Variants in LMF1 observed in about 807,000 individuals in gnomAD.
LMF1 encodes transmembrane protein 112.
Under a neutral mutation model 60.6 loss-of-function variants are expected in LMF1, and 68 were observed. The ratio of observed to expected loss-of-function variants is 1.12; its 90% CI spans 0.92 to 1.37. The LOEUF is 1.37. LMF1 is among the 40% of genes most tolerant of loss of function. The pLI, the probability that LMF1 is intolerant of heterozygous loss-of-function variation, is 0.00. For synonymous variants in LMF1, 418 were observed against 324.7 expected (o/e 1.29, Z -3.09); for missense variants, 948 against 767.2 (o/e 1.24, Z -2.78).
intron 2 of LMF1, among the ~76,000 whole-genome samples, chr16:950,754 A>T (rs1597059367): frequency 1.1e-5 from 1 of 90,410 alleles, no homozygotes; most frequent in Middle Eastern, 4.7e-3. Flanking sequence ...ACAGAGTCAG[A>T]GCCAACGACA....
intron 1 of LMF1, among the ~76,000 whole-genome samples, chr16:978,262 A>G (rs1452594812): frequency 6.7e-6 from 1 of 149,302 alleles, no homozygotes. Flanking sequence ...CACGCACCAT[A>G]CACACTATAC....
At chr16:969,398 A>G (rs2072992981) in intron 1 of LMF1, among the ~76,000 whole-genome samples, 1 of 152,224 alleles carries the variant, frequency 6.6e-6, no homozygotes, top group African/African-American at 2.4e-5. Context: ...CGATACTGCA[A>G]TCCCACAGGA....
chr16:978,129 C>T lies in LMF1; in HGVS notation c.-135+3016G>A, dbSNP rs573083844. On this transcript the variant is annotated intron_variant, in intron 1 of 6. Coordinates refer to the LMF1 transcript ENST00000570014. Reference sequence around the variant, plus strand: ...CACACACCACACACCATACACACACCACACCACACACATACATCATACACA... The same window carrying T: ...CACACACCACACACCATACACACACTACACCACACACATACATCATACACA... Among the ~76,000 whole-genome samples, 6 of 136,496 alleles carry T rather than the reference C, an allele frequency of 4.4e-5. No homozygotes were observed. The East Asian group carries it at 1.2e-3, about 27-fold the overall frequency. 89.5% of individuals were successfully genotyped at this position (136,496 alleles called of 152,430 possible).
intron 2 of LMF1, among the ~76,000 whole-genome samples, chr16:936,492 G>C (rs1298602802): frequency 7.1e-6 from 1 of 140,082 alleles, no homozygotes; most frequent in Non-Finnish European, 1.5e-5. Context: ...GGCTGGGAGA[G>C]AGAGGAGGCA....
At chr16:854,784 C>G in intron 10 of LMF1, 78 bp from the exon 11 acceptor site, 2 of 1,313,480 alleles carry the variant, frequency 1.5e-6, no homozygotes, top group Non-Finnish European at 2.1e-6. Context: ...TGCTGCTGAG[C>G]TGCAGCTGCT....
At chr16:924,594 C>T (rs759759966) in intron 3 of LMF1, among the ~76,000 whole-genome samples, 2 of 152,178 alleles carry the variant, frequency 1.3e-5, no homozygotes, top group Non-Finnish European at 2.9e-5. Flanking sequence ...CACCATCGGC[C>T]ACTGTCAGGG....
intron 1 of LMF1, 92 bp downstream of exon 1, chr16:970,696 G>T: frequency 8.2e-7 from 1 of 1,222,856 alleles, no homozygotes; most frequent in Non-Finnish European, 1.1e-6. Flanking sequence ...CGCCGCGGCC[G>T]CGAGACCGCG....
intron 4 of LMF1, among the ~76,000 whole-genome samples, chr16:895,918 T>C (rs1239397353): frequency 6.9e-5 from 5 of 72,492 alleles, no homozygotes; most frequent in Non-Finnish European, 1.1e-4. Context: ...CTCGGAGGGG[T>C]TGTGAGGCTC....
chr16:891,306 C>T (rs1002484485), intron 5 of LMF1, among the ~76,000 whole-genome samples: 1 of 152,240 alleles, frequency 6.6e-6, no homozygotes, highest in African/African-American at 2.4e-5. Context: ...CTCCTGGGCC[C>T]AGAGCAGCCA....
At chr16:872,072 C>T (rs866695076) in intron 6 of LMF1, 1 of 152,268 alleles carries the variant, frequency 6.6e-6, no homozygotes, top group African/African-American at 2.4e-5. Flanking sequence ...GAGCCGCTGT[C>T]CCTGCAGCTC....
Position 911,006 on chromosome 16 carries a change from C to A in LMF1, c.588G>T (p.Leu196=), listed in dbSNP as rs772081621. 4 of 1,612,916 alleles carry A rather than the reference C, an allele frequency of 2.5e-6. No homozygotes were observed. The African/African-American group carries it at 4.0e-5, about 16-fold the overall frequency. Residue 196 remains leucine, a synonymous_variant, in exon 4 of 11, where the codon CTG becomes CTT. Coordinates refer to ENST00000262301, the MANE Select transcript of LMF1 (RefSeq NM_022773.4). ...TCCGGGATGTGGGGGTATGCTGGGGCAGCCTTGACAGCGTCCACAGAGGGC... is the reference window on the plus strand; with the variant it reads ...TCCGGGATGTGGGGGTATGCTGGGGAAGCCTTGACAGCGTCCACAGAGGGC... ...FLCPLWTLSR[L]PQHTPTSRIV... is the part of the protein sequence containing the mutation.
Position 950,272 on chromosome 16 carries a change from C to T in LMF1, c.503+4085G>A, listed in dbSNP as rs1222964709. Among the ~76,000 whole-genome samples, 5 of 103,314 alleles carry T rather than the reference C, an allele frequency of 4.8e-5. 1 individual carries two copies. The highest frequency in any genetic ancestry group is 2.7e-4 in the East Asian group (1 of 3,660). 67.8% of individuals were successfully genotyped at this position (103,314 alleles called of 152,430 possible). ...GTCAGCCAACGACAGAGTCAGCCAA[C>T]GACAGAGTCAGAGACAATGACAAAG... On this transcript the variant is annotated intron_variant, in intron 2 of 10. Coordinates refer to ENST00000262301, the MANE Select transcript of LMF1 (RefSeq NM_022773.4).
intron 2 of LMF1, among the ~76,000 whole-genome samples, chr16:944,039 C>T (rs2072176783): frequency 6.6e-6 from 1 of 152,172 alleles, no homozygotes; most frequent in Non-Finnish European, 1.5e-5. Flanking sequence ...CTTGGTCTTT[C>T]CAAAAGCTCA....
intron 2 of LMF1, among the ~76,000 whole-genome samples, chr16:948,454 C>T (rs112799060): frequency 0.082 from 11,635 of 141,244 alleles, 562 homozygotes; most frequent in South Asian, 0.15. Context: ...TCAGAGACAA[C>T]GACAGAGTCA....
chr16:874,794 C>G lies in LMF1; in HGVS notation c.898-3453G>C, dbSNP rs973565519. Among the ~76,000 whole-genome samples, 2 of 152,040 alleles carry G rather than the reference C, an allele frequency of 1.3e-5. No individual in the cohort carries two copies. The highest frequency in any genetic ancestry group is 2.9e-5 in the Non-Finnish European group (2 of 67,994). ...CTCCAGGCAGGCGGCGCTCAGAAGTCTCAGGGCACTCGGCTGTCACAGCGC... is the reference window on the plus strand; with the variant it reads ...CTCCAGGCAGGCGGCGCTCAGAAGTGTCAGGGCACTCGGCTGTCACAGCGC... On this transcript the variant is annotated intron_variant, in intron 6 of 10. Coordinates refer to ENST00000262301, the MANE Select transcript of LMF1 (RefSeq NM_022773.4). The surrounding 1 kb of genome is among the most constrained non-coding windows in gnomAD (Gnocchi z 4.1).
chr16:890,428 C>G (rs13336816), intron 5 of LMF1, among the ~76,000 whole-genome samples: 67,598 of 152,104 alleles, frequency 0.44, 17,617 homozygotes, highest in African/African-American at 0.7. Flanking sequence ...GGCCCGGCCC[C>G]CCGAGACAGC....
At chr16:941,626 G>C (rs1386332789) in intron 2 of LMF1, among the ~76,000 whole-genome samples, 1 of 152,132 alleles carries the variant, frequency 6.6e-6, no homozygotes, top group Non-Finnish European at 1.5e-5. Flanking sequence ...AGTCTCACCT[G>C]GTTTTTCGTC....
At chr16:881,032 G>A (rs1370412746) in intron 5 of LMF1, among the ~76,000 whole-genome samples, 1 of 152,230 alleles carries the variant, frequency 6.6e-6, no homozygotes, top group Non-Finnish European at 1.5e-5. Flanking sequence ...GCGGCCCCCA[G>A]ACGCTTCAGA....
At chr16:863,129 C>T (rs1003504457) in intron 10 of LMF1, among the ~76,000 whole-genome samples, 3 of 152,110 alleles carry the variant, frequency 2.0e-5, no homozygotes, top group Non-Finnish European at 2.9e-5. Context: ...TTGTCGTAGT[C>T]GCTTATTATC....
Sources: allele counts gnomAD v4.1 joint callset (sites outside exome capture counted in the v4.1 genomes callset), GRCh38; gene constraint gnomAD v4.1.1; non-coding constraint Gnocchi (gnomAD v3.1); transcripts MANE v1.5; gene names NCBI Gene and HGNC (gene_info 2026-07-23, HGNC 2026-07-21).